HS6ST2: variants seen among roughly 807,000 people sequenced by gnomAD.
HS6ST2 encodes the protein heparan sulfate 6-O-sulfotransferase 2, also known as heparan-sulfate 6-O-sulfotransferase 2.
HS6ST2 carries 17 observed loss-of-function variants against 33.0 expected under a neutral mutation model. That is an observed-to-expected ratio of 0.52 (90% confidence interval 0.35 to 0.77). HS6ST2 has a LOEUF of 0.77. Ranked by LOEUF, HS6ST2 falls within the 30% of genes least tolerant of loss-of-function variation. The pLI is 0.01. For missense variants in HS6ST2, 519 were observed against 551.7 expected (o/e 0.94, Z 0.59); for synonymous variants, 248 against 237.1 (o/e 1.05, Z -0.42).
intron 2 of HS6ST2, among the ~76,000 whole-genome samples, chrX:132,730,282 C>T (rs912269282): frequency 1.8e-5 from 2 of 112,055 alleles, no homozygotes; most frequent in African/African-American, 6.5e-5. Flanking sequence ...ACGCCCTGTG[C>T]GTTCCAGACT....
intron 3 of HS6ST2, among the ~76,000 whole-genome samples, chrX:132,696,766 GC>G (rs17380): frequency 0.5 from 54,868 of 110,352 alleles, 10,069 homozygotes; most frequent in Middle Eastern, 0.57. Context: ...ATTCCCTTTT[GC>G]AAAAAGGTCA....
At chrX:132,852,767 G>A (rs1409877173) in intron 2 of HS6ST2, among the ~76,000 whole-genome samples, 2 of 111,902 alleles carry the variant, frequency 1.8e-5, no homozygotes, top group Admixed American at 9.5e-5. Context: ...CTATAAAATG[G>A]ATAAATGGAT....
chrX:132,698,155 T>C (rs1377253460), intron 3 of HS6ST2, among the ~76,000 whole-genome samples: 12 of 111,772 alleles, frequency 1.1e-4, no homozygotes, highest in African/African-American at 3.9e-4. Flanking sequence ...CTCAAATTGA[T>C]TGTATCTCAT....
intron 2 of HS6ST2, among the ~76,000 whole-genome samples, chrX:132,920,238 G>A (rs1334997914): frequency 1.8e-5 from 2 of 110,917 alleles, no homozygotes; most frequent in Non-Finnish European, 3.8e-5. Context: ...GATACAGTAG[G>A]TCTCAGAAAG....
intron 3 of HS6ST2, 125 bp from the exon 4 acceptor site, chrX:132,669,324 ATCTCTCTCTC>A (rs10550199): frequency 9.0e-5 from 31 of 343,167 alleles, no homozygotes; most frequent in African/African-American, 7.0e-4. Flanking sequence ...CCCCTGGCCA[ATCTCTCTCTC>A]TCTCTCTCTC....
intron 2 of HS6ST2, among the ~76,000 whole-genome samples, chrX:132,776,642 C>G (rs373894852): frequency 1.4e-4 from 15 of 110,782 alleles, no homozygotes; most frequent in Non-Finnish European, 5.7e-5. Flanking sequence ...CCAAACCCCC[C>G]CTGCATCCTG....
intron 2 of HS6ST2, among the ~76,000 whole-genome samples, chrX:132,847,961 CCGT>C (rs2065767855): frequency 8.9e-6 from 1 of 112,360 alleles, no homozygotes; most frequent in Non-Finnish European, 1.9e-5. Context: ...TGTTCTAATG[CCGT>C]GTCTTTGAGA....
chrX:132,797,037 C>T (rs1026642341), intron 2 of HS6ST2, among the ~76,000 whole-genome samples: 5 of 111,294 alleles, frequency 4.5e-5, no homozygotes, highest in Non-Finnish European at 9.4e-5. Flanking sequence ...TTCAGTAGTC[C>T]CCGATTAGCC....
chrX:132,630,226 A>G (rs1169200177), intron 4 of HS6ST2, among the ~76,000 whole-genome samples: 1 of 112,427 alleles, frequency 8.9e-6, no homozygotes, highest in Non-Finnish European at 1.9e-5. Flanking sequence ...GCAACAATAA[A>G]CATTGAATAT....
intron 4 of HS6ST2, among the ~76,000 whole-genome samples, chrX:132,635,390 C>T (rs749168449): frequency 1.8e-5 from 2 of 111,644 alleles, no homozygotes; most frequent in Admixed American, 1.9e-4. Context: ...ATGCCACTTC[C>T]ACACCCCCAG....
chrX:132,626,948 A>C lies in HS6ST2; in HGVS notation c.*1275T>G, dbSNP rs1289874499. The C allele has an allele frequency of 8.9e-6, 1 of 112,529 alleles. No homozygotes were observed. Among genetic ancestry groups the C allele is most frequent in the African/African-American group, 3.2e-5 (1 of 30,967 alleles). 9.3% of individuals were successfully genotyped at this position (112,529 alleles called of 1,213,427 possible). ...AACACTTTTTACTTTTGCTCTTTTC[A>C]AAACAAAAACTTTGTAGAAGGGTTT... On this transcript the variant is annotated 3_prime_UTR_variant, in exon 5 of 5. Coordinates refer to ENST00000370833, the MANE Select transcript of HS6ST2 (RefSeq NM_001394073.1).
In HS6ST2 at chrX:132,958,588, C is replaced by G; in HGVS notation, c.15G>C (p.Ala5=). 2 of 1,174,909 alleles carry G rather than the reference C, an allele frequency of 1.7e-6. No homozygotes were observed. Among genetic ancestry groups the G allele is most frequent in the Non-Finnish European group, 2.3e-6 (2 of 876,534 alleles). MALP[A]CAVREFEPPR... ...GCGGCTCGAACTCCCGGACTGCACA[C>G]GCAGGCAGTGCCATTCCCCCCTTCA... Residue 5 remains alanine, a synonymous_variant, in exon 1 of 5, where the codon GCG becomes GCC. Transcript: ENST00000370833.
intron 2 of HS6ST2, among the ~76,000 whole-genome samples, chrX:132,910,076 G>C (rs970266261): frequency 9.0e-6 from 1 of 111,520 alleles, no homozygotes; most frequent in East Asian, 2.8e-4. Flanking sequence ...ATATTTTCAC[G>C]TTCGCTCTAC....
At chrX:132,812,356 G>T (rs2065354671) in intron 2 of HS6ST2, among the ~76,000 whole-genome samples, 1 of 105,271 alleles carries the variant, frequency 9.5e-6, no homozygotes, top group Non-Finnish European at 1.9e-5. Flanking sequence ...AGTGAGCCGA[G>T]ATTGCACCAC....
chrX:132,676,306 G>A (rs1316278485), intron 3 of HS6ST2, among the ~76,000 whole-genome samples: 1 of 111,973 alleles, frequency 8.9e-6, no homozygotes, highest in Non-Finnish European at 1.9e-5. Context: ...GGTTCCCGCC[G>A]GCAGGTGGCC....
At chrX:132,630,620 T>C (rs894111469) in intron 4 of HS6ST2, among the ~76,000 whole-genome samples, 5 of 111,828 alleles carry the variant, frequency 4.5e-5, no homozygotes, top group Admixed American at 1.9e-4. Context: ...TGTGTTGCCA[T>C]AGCACTTCTA....
intron 2 of HS6ST2, among the ~76,000 whole-genome samples, chrX:132,780,848 T>G (rs1429394755): frequency 8.9e-6 from 1 of 111,918 alleles, no homozygotes; most frequent in African/African-American, 3.2e-5. Flanking sequence ...TGAATACAGA[T>G]CCAGGCTAAC....
intron 2 of HS6ST2, among the ~76,000 whole-genome samples, chrX:132,873,699 A>G (rs1386839783): frequency 1.8e-5 from 2 of 111,535 alleles, no homozygotes; most frequent in African/African-American, 6.5e-5. Context: ...AGGGAGGGAG[A>G]GAATGAATGG....
intron 3 of HS6ST2, among the ~76,000 whole-genome samples, chrX:132,671,097 C>T (rs911340093): frequency 6.2e-5 from 7 of 112,638 alleles, no homozygotes; most frequent in African/African-American, 2.3e-4. Context: ...TATCCGTCCT[C>T]GATGACTTCC....
Sources: gnomAD v4.1 joint callset for allele counts (sites outside exome capture counted in the v4.1 genomes callset) on GRCh38, gnomAD v4.1.1 for gene constraint, MANE v1.5 for transcripts, NCBI Gene and HGNC (gene_info 2026-07-23, HGNC 2026-07-21) for gene names.